The following ARID1B variants were observed in gnomAD, a reference collection of about 807,000 sequenced individuals.
The protein encoded by ARID1B is AT-rich interaction domain 1B, also known as AT-rich interactive domain-containing protein 1B.
Under a neutral mutation model 212.3 loss-of-function variants are expected in ARID1B, and 30 were observed. The observed-to-expected ratio is 0.14, with a 90% CI of 0.11 to 0.19. ARID1B has a LOEUF of 0.19. Ranked by LOEUF, ARID1B falls within the 10% of genes least tolerant of loss-of-function variation. The probability of loss-of-function intolerance (pLI) is 1.00; values close to 1 mark genes in which losing one functional copy is unlikely to be tolerated. For synonymous variants in ARID1B, 1,402 were observed against 1,301.7 expected (o/e 1.08, Z -1.66); for missense variants, 2,891 against 3,204.0 (o/e 0.90, Z 2.36).
chr6:157,061,206 T>C lies in ARID1B; in HGVS notation c.2248-23456T>C, dbSNP rs570987220. The stretch of plus-strand genomic sequence containing the variant: ...ATACATTTTATCATATATTTATTTT[T>C]ACTGCATTAAATTGAGAGCCTGGCT... On this transcript the variant is annotated intron_variant, in intron 4 of 19. Coordinates refer to ENST00000636930, the MANE Select transcript of ARID1B (RefSeq NM_001374828.1). 6.6e-5 allele frequency among the ~76,000 whole-genome samples: 10 copies of C among 152,386 alleles called. No individual in the cohort carries two copies. In the South Asian group the frequency reaches 2.1e-3, roughly 32 times the overall value.
chr6:157,160,839 C>A (rs1790881826), intron 8 of ARID1B, among the ~76,000 whole-genome samples: 1 of 152,214 alleles, frequency 6.6e-6, no homozygotes, highest in African/African-American at 2.4e-5. Context: ...GTGGATTGAT[C>A]CCTCAGATCT....
At chr6:156,781,526 TAA>T (rs1779265929) in intron 1 of ARID1B, among the ~76,000 whole-genome samples, 1 of 152,152 alleles carries the variant, frequency 6.6e-6, no homozygotes, top group Non-Finnish European at 1.5e-5. Context: ...ATTTTAACAA[TAA>T]TCATACCTTA....
At chr6:157,036,139 C>T (rs1021043392) in intron 4 of ARID1B, among the ~76,000 whole-genome samples, 3 of 152,088 alleles carry the variant, frequency 2.0e-5, no homozygotes, top group Non-Finnish European at 4.4e-5. Context: ...TTGCAATAGT[C>T]AAAGTTAAAA....
intron 6 of ARID1B, among the ~76,000 whole-genome samples, chr6:157,117,191 C>G (rs555701004): frequency 6.6e-6 from 1 of 152,250 alleles, no homozygotes; most frequent in South Asian, 2.1e-4. Flanking sequence ...TTGCGTACTA[C>G]TACAAAAAGG....
At chr6:157,048,025 G>A (rs1782353852) in intron 4 of ARID1B, among the ~76,000 whole-genome samples, 1 of 152,172 alleles carries the variant, frequency 6.6e-6, no homozygotes, top group Non-Finnish European at 1.5e-5. Flanking sequence ...TTGATTGCGT[G>A]TGTTTTAGGT....
At chr6:157,049,307 C>T (rs1026892818) in intron 4 of ARID1B, among the ~76,000 whole-genome samples, 1 of 152,142 alleles carries the variant, frequency 6.6e-6, no homozygotes, top group Non-Finnish European at 1.5e-5. Flanking sequence ...CCAGAGTGCT[C>T]CTCAAGTGTG....
intron 4 of ARID1B, among the ~76,000 whole-genome samples, chr6:157,013,098 C>G (rs1485722937): frequency 2.0e-5 from 3 of 152,154 alleles, no homozygotes; most frequent in African/African-American, 7.2e-5. Flanking sequence ...AGGCTGGTCC[C>G]GAACTCCTGA....
chr6:156,851,842 A>G (rs1025406842), intron 2 of ARID1B, among the ~76,000 whole-genome samples: 2 of 152,226 alleles, frequency 1.3e-5, no homozygotes, highest in Non-Finnish European at 2.9e-5. Context: ...GAATATAGCT[A>G]GCTAAATGGT....
At chr6:156,913,809 C>T (rs1329052682) in intron 3 of ARID1B, among the ~76,000 whole-genome samples, 2 of 149,020 alleles carry the variant, frequency 1.3e-5, no homozygotes, top group Admixed American at 6.7e-5. Flanking sequence ...CATCCCAGCC[C>T]GTGAACCACC....
chr6:157,053,776 T>C (rs1339888961), intron 4 of ARID1B, among the ~76,000 whole-genome samples: 9 of 151,996 alleles, frequency 5.9e-5, no homozygotes, highest in Admixed American at 2.6e-4. Context: ...AAATTTTTCT[T>C]CTATGAAAGT....
chr6:157,180,949 A>T lies in ARID1B; in HGVS notation c.3505-20A>T, dbSNP rs766181608. ...CTGCCCACCCATGCCCCACCTCCAC[A>T]TGCTGCTTCTGGGTACTAGAAGTCC... On this transcript the variant is annotated intron_variant, in intron 11 of 19. Transcript: ENST00000636930. The T allele has an allele frequency of 1.2e-6, 2 of 1,604,244 alleles. No homozygotes were observed. Among genetic ancestry groups the T allele is most frequent in the Admixed American group, 3.3e-5 (2 of 59,760 alleles).
chr6:157,026,807 C>T lies in ARID1B; in HGVS notation c.2248-57855C>T, dbSNP rs377110497. On this transcript the variant is annotated intron_variant, in intron 4 of 19. Transcript: ENST00000636930. ...CCAGGATTACAGATGCGTGCCACTG[C>T]GCCTGGCTATTAGAAGATGCACTTT... Among the ~76,000 whole-genome samples the T allele has an allele frequency of 1.3e-4, 20 of 152,282 alleles. No individual in the cohort carries two copies. The East Asian group carries it at 1.3e-3, about 10-fold the overall frequency.
At chr6:157,081,645 A>C (rs1222913677) in intron 4 of ARID1B, among the ~76,000 whole-genome samples, 2 of 152,196 alleles carry the variant, frequency 1.3e-5, no homozygotes, top group East Asian at 3.8e-4. Flanking sequence ...TGAATAACAG[A>C]AATGTTTTTG....
At chr6:156,842,166 A>G (rs891785230) in intron 2 of ARID1B, among the ~76,000 whole-genome samples, 2 of 152,226 alleles carry the variant, frequency 1.3e-5, no homozygotes, top group Non-Finnish European at 2.9e-5. Flanking sequence ...GTACAGTTCA[A>G]TAATGTTTAC....
intron 4 of ARID1B, among the ~76,000 whole-genome samples, chr6:157,039,318 A>ATTTTTTTTTTTTTTTTTTTTTTT (rs1215591720): frequency 5.3e-5 from 6 of 112,824 alleles, no homozygotes; most frequent in Non-Finnish European, 7.4e-5. Flanking sequence ...GAAATTTGAC[A>ATTTTTTTTTTTTTTTTTTTTTTT]TTTCTTTTTT....
chr6:157,175,708 G>A lies in ARID1B; in HGVS notation c.3504+703G>A, dbSNP rs184637742. The A allele has an allele frequency of 6.0e-4, 91 of 152,120 alleles. 1 individual carries two copies. The highest frequency in any genetic ancestry group is 3.4e-3 in the Middle Eastern group (1 of 294). 9.4% of individuals were successfully genotyped at this position (152,120 alleles called of 1,614,324 possible). A position where few individuals can be genotyped will look rare whatever the true frequency, so the allele number is the denominator to read the frequency against. On this transcript the variant is annotated intron_variant, in intron 11 of 19. Coordinates refer to ENST00000636930, the MANE Select transcript of ARID1B (RefSeq NM_001374828.1). ...ATATAAATTATAACAAAAATGTCACGGATGTATCAGGGAATTTTGTAAGCC... is the reference window on the plus strand; with the variant it reads ...ATATAAATTATAACAAAAATGTCACAGATGTATCAGGGAATTTTGTAAGCC...
intron 9 of ARID1B, chr6:157,173,151 TCCACTAAAAAGAAATCTAAA>T: frequency 6.6e-6 from 1 of 152,232 alleles, no homozygotes; most frequent in Non-Finnish European, 1.5e-5. Context: ...GTCTTGTTCT[TCCACTAAAAAGAAATCTAAA>T]CCCATATTTT....
intron 3 of ARID1B, among the ~76,000 whole-genome samples, chr6:156,909,074 T>C (rs1178050398): frequency 1.3e-5 from 2 of 151,992 alleles, no homozygotes; most frequent in Admixed American, 1.3e-4. Context: ...TCATTCTGTA[T>C]GTGTGTATAA....
chr6:157,009,809 G>A (rs1779462404), intron 4 of ARID1B, among the ~76,000 whole-genome samples: 1 of 152,230 alleles, frequency 6.6e-6, no homozygotes, highest in East Asian at 1.9e-4. Context: ...GGAACAGCAA[G>A]GCACAGAGAG....
Sources: gnomAD v4.1 joint callset for allele counts (sites outside exome capture counted in the v4.1 genomes callset) on GRCh38, gnomAD v4.1.1 for gene constraint, MANE v1.5 for transcripts, NCBI Gene and HGNC (gene_info 2026-07-23, HGNC 2026-07-21) for gene names.